ZFAND3: variants seen among roughly 807,000 people sequenced by gnomAD.
The protein encoded by ZFAND3 is zinc finger AN1-type containing 3.
In ZFAND3, 10 loss-of-function variants were observed where a neutral mutation model predicts 29.6. That is an observed-to-expected ratio of 0.34 (90% confidence interval 0.21 to 0.57). The LOEUF (loss-of-function observed/expected upper bound fraction) is 0.57. Ranked by LOEUF, ZFAND3 falls within the 20% of genes least tolerant of loss-of-function variation. The pLI, the probability that ZFAND3 is intolerant of heterozygous loss-of-function variation, is 0.86. For missense variants in ZFAND3, 230 were observed against 304.5 expected (o/e 0.76, Z 1.82); for synonymous variants, 128 against 112.6 (o/e 1.14, Z -0.87).
intron 5 of ZFAND3, 90 bp downstream of exon 5, chr6:38,116,829 C>G (rs1481110133): frequency 2.0e-6 from 3 of 1,500,102 alleles, no homozygotes; most frequent in Non-Finnish European, 1.8e-6. Context: ...GTCTTTCGTT[C>G]TTCTTCTGAG....
At chr6:37,974,591 T>C (rs1762449598) in intron 2 of ZFAND3, among the ~76,000 whole-genome samples, 1 of 151,968 alleles carries the variant, frequency 6.6e-6, no homozygotes, top group Non-Finnish European at 1.5e-5. Context: ...AGATAGGGTC[T>C]TGCTGTGCTG....
At chr6:37,944,216 A>G (rs1761860739) in intron 2 of ZFAND3, among the ~76,000 whole-genome samples, 1 of 152,210 alleles carries the variant, frequency 6.6e-6, no homozygotes, top group East Asian at 1.9e-4. Context: ...TGGATTTTAT[A>G]TGAGATTTTA....
chr6:38,084,446 A>G (rs540644491), intron 4 of ZFAND3, among the ~76,000 whole-genome samples: 7 of 152,292 alleles, frequency 4.6e-5, no homozygotes, highest in South Asian at 4.1e-4. Context: ...TAGACCTTCA[A>G]TTACTGGTAG....
At chr6:37,902,338 A>G (rs1765333063) in intron 1 of ZFAND3, among the ~76,000 whole-genome samples, 1 of 152,032 alleles carries the variant, frequency 6.6e-6, no homozygotes, top group Non-Finnish European at 1.5e-5. Flanking sequence ...ATAGTGGCAC[A>G]TCCCTGTAGT....
chr6:37,919,222 A>C (rs989527266), intron 1 of ZFAND3, among the ~76,000 whole-genome samples: 3 of 152,178 alleles, frequency 2.0e-5, no homozygotes, highest in African/African-American at 7.2e-5. Flanking sequence ...TGCTGGGATT[A>C]CAGGCGTGAG....
At chr6:38,024,425 TGTGCCACTGCACTCCAGGCTG>T (rs1377428999) in intron 2 of ZFAND3, among the ~76,000 whole-genome samples, 6 of 149,238 alleles carry the variant, frequency 4.0e-5, no homozygotes, top group Admixed American at 6.8e-5. Flanking sequence ...TGAGCTGAGA[TGTGCCACTGCACTCCAGGCTG>T]GGCGACAGAG....
rs138511318 is a variant in ZFAND3 at position 37,869,214 on chromosome 6, G to C, written c.71+49198G>C. Among the ~76,000 whole-genome samples the C allele has an allele frequency of 8.5e-5, 13 of 152,288 alleles. No individual in the cohort carries two copies. The East Asian group carries it at 2.3e-3, about 27-fold the overall frequency. On this transcript the variant is annotated intron_variant, in intron 1 of 5. Coordinates refer to ENST00000287218, the MANE Select transcript of ZFAND3 (RefSeq NM_021943.3). ...CTCGCTCTATCATCCAGGCTGGAGT[G>C]CAGTGGCACGATCTTGGCTCACTGC...
At chr6:38,152,119 G>A (rs881681) in intron 5 of ZFAND3, 116 bp from the exon 6 acceptor site, 9 of 974,872 alleles carry the variant, frequency 9.2e-6, no homozygotes, top group East Asian at 2.8e-5. Context: ...CCTGCAGTGA[G>A]TGTTGTCCAC....
chr6:38,080,728 G>A (rs1366882658), intron 3 of ZFAND3, among the ~76,000 whole-genome samples: 4 of 152,138 alleles, frequency 2.6e-5, no homozygotes, highest in Admixed American at 2.6e-4. Context: ...CCCTTACATG[G>A]AAGCAGAAGT....
chr6:38,116,682 T>C lies in ZFAND3; in HGVS notation c.472T>C (p.Phe158Leu), dbSNP rs1249721088. 1 of 1,614,152 alleles carries C rather than the reference T, an allele frequency of 6.2e-7. No homozygotes were observed. Among genetic ancestry groups the C allele is most frequent in the Non-Finnish European group, 8.5e-7 (1 of 1,180,006 alleles). The change falls in exon 5 of 6, where the codon TTC becomes CTC. Residue 158 changes from phenylalanine to leucine, a missense_variant. By Grantham distance (22) the Phe-to-Leu change is conservative. Transcript: ENST00000287218. Reference protein sequence around the residue: ...RSKQKSRRRCFQCQTKLELVQ... With the variant: ...RSKQKSRRRCLQCQTKLELVQ... ...TAAACAGAAGAGTCGACGTCGGTGC[T>C]TCCAGTGCCAAACCAAACTGGAGCT...
chr6:37,940,937 A>G (rs1253337319), intron 2 of ZFAND3, among the ~76,000 whole-genome samples: 6 of 152,240 alleles, frequency 3.9e-5, no homozygotes, highest in African/African-American at 2.4e-5. Context: ...GGCATAGACA[A>G]TTACATGGGT....
chr6:37,960,160 T>C (rs1762170444), intron 2 of ZFAND3, among the ~76,000 whole-genome samples: 1 of 152,172 alleles, frequency 6.6e-6, no homozygotes, highest in Non-Finnish European at 1.5e-5. Flanking sequence ...CCCTACTTAT[T>C]TTTCTGAGGA....
chr6:37,866,093 A>T (rs572969821), intron 1 of ZFAND3, among the ~76,000 whole-genome samples: 89 of 152,114 alleles, frequency 5.9e-4, no homozygotes, highest in African/African-American at 2.0e-3. Flanking sequence ...TCCGCCTCCC[A>T]AACTGCTAGA....
intron 1 of ZFAND3, among the ~76,000 whole-genome samples, chr6:37,845,252 G>T (rs13210967): frequency 6.6e-6 from 1 of 151,956 alleles, no homozygotes; most frequent in East Asian, 1.9e-4. Flanking sequence ...ATCTTGGGAG[G>T]CAGACGTAAC....
intron 1 of ZFAND3, among the ~76,000 whole-genome samples, chr6:37,846,704 A>ATTTTTTTTTTTTTTT (rs59448343): frequency 7.1e-6 from 1 of 140,898 alleles, no homozygotes; most frequent in Non-Finnish European, 1.6e-5. Flanking sequence ...TATACTTGTG[A>ATTTTTTTTTTTTTTT]TTTTTTTTTT....
At chr6:38,016,368 C>T (rs1259417168) in intron 2 of ZFAND3, among the ~76,000 whole-genome samples, 2 of 152,046 alleles carry the variant, frequency 1.3e-5, no homozygotes, top group African/African-American at 2.4e-5. Context: ...AACCATGGGA[C>T]GATATGTTAC....
chr6:37,890,269 T>C (rs1289802905), intron 1 of ZFAND3, among the ~76,000 whole-genome samples: 1 of 152,204 alleles, frequency 6.6e-6, no homozygotes, highest in Non-Finnish European at 1.5e-5. Flanking sequence ...TTTAAGTAAA[T>C]AGCACTTCAG....
intron 3 of ZFAND3, among the ~76,000 whole-genome samples, chr6:38,068,651 G>A (rs1258123879): frequency 1.3e-5 from 2 of 152,088 alleles, no homozygotes; most frequent in Admixed American, 6.5e-5. Context: ...TCTATAATAC[G>A]GGACTCTGGT....
At chr6:38,049,533 A>G (rs959556429) in intron 2 of ZFAND3, among the ~76,000 whole-genome samples, 1 of 152,204 alleles carries the variant, frequency 6.6e-6, no homozygotes, top group Non-Finnish European at 1.5e-5. Flanking sequence ...GAGGATATGT[A>G]GGTTAGTTGT....
Sources: allele counts gnomAD v4.1 joint callset (sites outside exome capture counted in the v4.1 genomes callset), GRCh38; gene constraint gnomAD v4.1.1; transcripts MANE v1.5; gene names NCBI Gene and HGNC (gene_info 2026-07-23, HGNC 2026-07-21).